EFCAB13: variants seen among roughly 807,000 people sequenced by gnomAD.
EFCAB13 encodes EF-hand calcium binding domain 13.
In EFCAB13, 91 loss-of-function variants were observed where a neutral mutation model predicts 110.2. The observed-to-expected ratio is 0.83, with a 90% CI of 0.70 to 0.98. The LOEUF is 0.98. Ranked by LOEUF, EFCAB13 falls within the 50% of genes least tolerant of loss-of-function variation. The probability of loss-of-function intolerance (pLI) is 0.00; values close to 1 mark genes in which losing one functional copy is unlikely to be tolerated. For missense variants in EFCAB13, 968 were observed against 1,119.4 expected, an observed-to-expected ratio of 0.86 and a Z score of 1.93; for synonymous variants, 323 against 369.9, an observed-to-expected ratio of 0.87 and a Z score of 1.45.
chr17:47,422,203 T>G (rs1335763116), intron 23 of EFCAB13, among the ~76,000 whole-genome samples: 5 of 152,322 alleles, frequency 3.3e-5, no homozygotes, highest in Non-Finnish European at 7.4e-5. Context: ...AAAATCATCT[T>G]AATAGATGTA....
intron 23 of EFCAB13, 120 bp from the exon 24 acceptor site, chr17:47,429,698 C>A: frequency 7.9e-7 from 1 of 1,268,924 alleles, no homozygotes; most frequent in Non-Finnish European, 1.1e-6. Flanking sequence ...CAAATAGTTC[C>A]ATGTACAATT....
At chr17:47,348,183 G>A (rs188953361) in intron 9 of EFCAB13, among the ~76,000 whole-genome samples, 80 of 151,300 alleles carry the variant, frequency 5.3e-4, no homozygotes, top group Admixed American at 9.2e-4. Flanking sequence ...TTACTAGACT[G>A]GATTATGGCA....
At chr17:47,394,484 A>G (rs1359699612) in intron 16 of EFCAB13, among the ~76,000 whole-genome samples, 1 of 152,120 alleles carries the variant, frequency 6.6e-6, no homozygotes, top group African/African-American at 2.4e-5. Context: ...ATTTCTTTCT[A>G]TCTTCCAATG....
rs769874228 is a variant in EFCAB13 at position 47,394,061 on chromosome 17, C to G, written c.1763C>G (p.Thr588Ser). The G allele has an allele frequency of 6.5e-6, 10 of 1,548,946 alleles. No individual in the cohort carries two copies. The highest frequency in any genetic ancestry group is 1.4e-5 in the African/African-American group (1 of 71,832). The part of the protein sequence containing the change: ...KKVNFKEFID[T>S]MMSNTECFSE... ...GTGAATTTTAAAGAATTCATTGATACTATGATGAGCAACACGGAATGCTTC... is the reference window on the plus strand; with the variant it reads ...GTGAATTTTAAAGAATTCATTGATAGTATGATGAGCAACACGGAATGCTTC... Residue 588 changes from threonine to serine, a missense_variant, in exon 16 of 25, where the codon ACT becomes AGT. Transcript: ENST00000331493.
At chr17:47,338,327 G>A (rs894337031) in intron 5 of EFCAB13, among the ~76,000 whole-genome samples, 7 of 150,078 alleles carry the variant, frequency 4.7e-5, no homozygotes, top group African/African-American at 1.7e-4. Flanking sequence ...GTAGCTCATC[G>A]CAGCCTGGAA....
chr17:47,400,277 C>T (rs2065771953), intron 17 of EFCAB13, among the ~76,000 whole-genome samples: 1 of 152,200 alleles, frequency 6.6e-6, no homozygotes. Flanking sequence ...AACCTGGCAT[C>T]AGCTGTGATT....
At chr17:47,390,137 C>G (rs1279038868) in intron 14 of EFCAB13, among the ~76,000 whole-genome samples, 1 of 152,088 alleles carries the variant, frequency 6.6e-6, no homozygotes, top group Non-Finnish European at 1.5e-5. Context: ...TTTACCTATC[C>G]TAATCAATTA....
At chr17:47,430,873 A>G (rs1905102819) in intron 24 of EFCAB13, among the ~76,000 whole-genome samples, 1 of 151,830 alleles carries the variant, frequency 6.6e-6, no homozygotes. Flanking sequence ...CCTCTTTATT[A>G]TTTTTGCTTT....
At chr17:47,420,242 C>T (rs1904602267) in intron 23 of EFCAB13, among the ~76,000 whole-genome samples, 1 of 152,244 alleles carries the variant, frequency 6.6e-6, no homozygotes, top group Non-Finnish European at 1.5e-5. Flanking sequence ...GTCTGGTTCA[C>T]TCAGTGCTCA....
chr17:47,397,790 A>G (rs1336517088), intron 17 of EFCAB13, among the ~76,000 whole-genome samples: 2 of 147,670 alleles, frequency 1.4e-5, no homozygotes, highest in East Asian at 4.1e-4. Flanking sequence ...CGCCCGTCTG[A>G]GAAGTGAGGA....
rs59364535 is a variant in EFCAB13, at chr17:47,419,913, CCCCTCTCCCTCT to C, written c.2494+5012_2494+5023del. Among the ~76,000 whole-genome samples the C allele has an allele frequency of 1.1e-4, 16 of 149,496 alleles. No individual in the cohort carries two copies. The East Asian group carries it at 2.4e-3, about 22-fold the overall frequency. On this transcript the variant is annotated intron_variant, in intron 23 of 24. Coordinates refer to ENST00000331493, the MANE Select transcript of EFCAB13 (RefSeq NM_152347.5). ...CAAGAGATCTACATATAAGAAATGT[CCCCTCTCCCTCT>C]CCCTCTCCCTCTCCCTCCCTCTCCC...
intron 11 of EFCAB13, among the ~76,000 whole-genome samples, chr17:47,371,343 A>G (rs2065583720): frequency 6.6e-6 from 1 of 151,968 alleles, no homozygotes; most frequent in African/African-American, 2.4e-5. Context: ...ATCATCAAAC[A>G]GTTTTTTAGT....
chr17:47,332,100 G>T (rs985314517), intron 4 of EFCAB13, among the ~76,000 whole-genome samples: 3 of 152,082 alleles, frequency 2.0e-5, no homozygotes, highest in African/African-American at 7.2e-5. Context: ...GCAATAGTTG[G>T]ATTGTATGGT....
chr17:47,375,143 C>A (rs754097927), intron 12 of EFCAB13, among the ~76,000 whole-genome samples, 177 bp downstream of exon 12: 3 of 151,710 alleles, frequency 2.0e-5, no homozygotes, highest in Admixed American at 1.3e-4. Flanking sequence ...GGTCTCAAAC[C>A]CCTGGCCTCA....
In EFCAB13 at chr17:47,335,189, T is replaced by G; in HGVS notation, c.31-7T>G. On this transcript the variant is annotated splice_region_variant and splice_polypyrimidine_tract_variant and intron_variant, in intron 4 of 24. Coordinates refer to ENST00000331493, the MANE Select transcript of EFCAB13 (RefSeq NM_152347.5). ...ACATGCTTGATTGTGGCTCTTATAT[T>G]CCCCAGGCAGAGGAAAATATTGACT... The G allele has an allele frequency of 6.3e-7, 1 of 1,587,530 alleles. No homozygotes were observed.
intron 15 of EFCAB13, 47 bp from the exon 16 acceptor site, chr17:47,393,978 A>T: frequency 9.4e-7 from 1 of 1,067,126 alleles, no homozygotes; most frequent in Admixed American, 2.4e-5. Context: ...TATTTTTCAT[A>T]ATAATACTTA....
chr17:47,420,411 A>G (rs370644424), intron 23 of EFCAB13, among the ~76,000 whole-genome samples: 3 of 134,306 alleles, frequency 2.2e-5, no homozygotes, highest in East Asian at 2.4e-4. Context: ...GCCGCCCATC[A>G]TCTGGGACGT....
At chr17:47,414,601 A>G (rs1904369914) in intron 22 of EFCAB13, among the ~76,000 whole-genome samples, 1 of 152,152 alleles carries the variant, frequency 6.6e-6, no homozygotes, top group African/African-American at 2.4e-5. Flanking sequence ...GTAAAACACC[A>G]TAAAAGGGTT....
At chr17:47,414,778 C>A in intron 22 of EFCAB13, 70 bp from the exon 23 acceptor site, 1 of 951,758 alleles carries the variant, frequency 1.1e-6, no homozygotes, top group Non-Finnish European at 1.6e-6. Flanking sequence ...TATTGTAAAT[C>A]GGTCTTTATT....
Sources: gnomAD v4.1 joint callset for allele counts (sites outside exome capture counted in the v4.1 genomes callset) on GRCh38, gnomAD v4.1.1 for gene constraint, MANE v1.5 for transcripts, NCBI Gene and HGNC (gene_info 2026-07-23, HGNC 2026-07-21) for gene names.